KMT2B: variants seen among roughly 807,000 people sequenced by gnomAD.
The protein encoded by KMT2B is histone-lysine N-methyltransferase 2B.
Under a neutral mutation model 255.3 loss-of-function variants are expected in KMT2B, and 22 were observed. The ratio of observed to expected loss-of-function variants is 0.09; its 90% CI spans 0.06 to 0.12. The LOEUF is 0.12. Among genes scored for constraint, KMT2B ranks in the 10% least tolerant of loss-of-function variants. The pLI, the probability that KMT2B is intolerant of heterozygous loss-of-function variation, is 1.00. For synonymous variants in KMT2B, 1,730 were observed against 1,498.1 expected, an observed-to-expected ratio of 1.15 and a Z score of -3.57; for missense variants, 3,149 against 3,737.0, an observed-to-expected ratio of 0.84 and a Z score of 4.10.
rs1969058871 is a variant in KMT2B at position 35,718,703 on chromosome 19, AGTCGTG to A, written c.363+325_363+330del. Among the ~76,000 whole-genome samples the A allele has an allele frequency of 6.6e-6, 1 of 152,184 alleles. No individual in the cohort carries two copies. Among genetic ancestry groups the A allele is most frequent in the South Asian group, 2.1e-4 (1 of 4,836 alleles). ...GGCAGTGGGGACTGCATGTCCAGCC[AGTCGTG>A]GTTGACAGCGGCAGCGTGGCCTTGG... On this transcript the variant is annotated intron_variant, in intron 1 of 36. Transcript: ENST00000420124. The surrounding 1 kb of genome is among the most constrained non-coding windows in gnomAD (Gnocchi z 5.0).
chr19:35,729,126 TC>T, intron 21 of KMT2B, 32 bp from the exon 22 acceptor site: 1 of 1,613,874 alleles, frequency 6.2e-7, no homozygotes, highest in African/African-American at 1.3e-5. Flanking sequence ...TTCCCTGGCC[TC>T]CCCACATCAT....
At position 35,732,203 on chromosome 19, in the gene KMT2B, CT is replaced by C; in HGVS notation, c.5666-11del. The C allele has an allele frequency of 6.3e-7, 1 of 1,577,922 alleles. No homozygotes were observed. Among genetic ancestry groups the C allele is most frequent in the South Asian group, 1.1e-5 (1 of 87,222 alleles). On this transcript the variant is annotated splice_polypyrimidine_tract_variant and intron_variant, in intron 27 of 36. Transcript: ENST00000420124. ...GTGGGAGCTGCTGGTAACACCAACCCTCCCCCCACAGGAAGTCCATCTTCAC... is the reference window on the plus strand; with the variant it reads ...GTGGGAGCTGCTGGTAACACCAACCCCCCCCCACAGGAAGTCCATCTTCAC...
intron 23 of KMT2B, 59 bp from the exon 24 acceptor site, chr19:35,730,283 C>G: frequency 6.2e-7 from 1 of 1,604,902 alleles, no homozygotes; most frequent in Non-Finnish European, 8.5e-7. Context: ...GTTCAGACTT[C>G]CCTGGCATCC....
rs750794495 is a variant in KMT2B at position 35,719,524 on chromosome 19, C to T, written c.419C>T (p.Ala140Val). ...EDVAPSSLRS[A>V]LRSQRGRAPR... ...GTGGCCCCCAGTTCCCTGCGCTCTGCGCTCCGATCCCAGCGAGGTGAGTGA... is the reference window on the plus strand; with the variant it reads ...GTGGCCCCCAGTTCCCTGCGCTCTGTGCTCCGATCCCAGCGAGGTGAGTGA... Residue 140 changes from alanine (A) to valine (V), a missense_variant, in exon 2 of 37, where the codon GCG becomes GTG. Coordinates refer to ENST00000420124, the MANE Select transcript of KMT2B (RefSeq NM_014727.3). 4.4e-6 allele frequency: 7 copies of T among 1,590,918 alleles called. No individual in the cohort carries two copies. Among genetic ancestry groups the T allele is most frequent in the African/African-American group, 1.3e-5 (1 of 74,272 alleles).
At chr19:35,729,918 G>T (rs763240399) in intron 22 of KMT2B, 49 bp from the exon 23 acceptor site, 2 of 1,569,932 alleles carry the variant, frequency 1.3e-6, no homozygotes, top group South Asian at 1.1e-5. Flanking sequence ...GGTGCCTGGC[G>T]CCCAGCCCCA....
Position 35,733,925 on chromosome 19 carries a change from TGA to T in KMT2B, c.7159+54_7159+55del, listed in dbSNP as rs1237943567. ...CTTGCCTGTGCCTGGCTCAGCTGGG[TGA>T]CTCACAGATGCAAAATCAGCCCTCT... On this transcript the variant is annotated intron_variant, in intron 30 of 36. Transcript: ENST00000420124. This position sits in a 1 kb window ranked among gnomAD's most constrained non-coding sequence, Gnocchi z 4.3. The T allele has an allele frequency of 2.2e-6, 3 of 1,337,492 alleles. No homozygotes were observed. The highest frequency in any genetic ancestry group is 3.2e-6 in the Non-Finnish European group (3 of 942,520). The allele number at this position is 1,337,492 out of a possible 1,614,324, so 82.9% of individuals were successfully genotyped here. A position where few individuals can be genotyped will look rare whatever the true frequency, so the allele number is the denominator to read the frequency against.
At chr19:35,724,772 C>G (rs747034473) in intron 9 of KMT2B, 41 bp downstream of exon 9, 1 of 1,509,544 alleles carries the variant, frequency 6.6e-7, no homozygotes, top group South Asian at 1.2e-5. Flanking sequence ...CCTCCAGGAG[C>G]TACCTGGCAA....
At position 35,733,261 on chromosome 19, in the gene KMT2B, C is replaced by G. The variant is rs780824088; in HGVS notation, c.6712C>G (p.Pro2238Ala). Residue 2238 changes from proline to alanine, a missense_variant, in exon 28 of 37, where the codon CCC (proline) becomes GCC (alanine). This residue lies in a region of KMT2B where 897 missense variants were observed against 825.3 expected (regional missense o/e 1.09). Transcript: ENST00000420124. The surrounding 1 kb of genome is among the most constrained non-coding windows in gnomAD (Gnocchi z 4.3). ...APTSWTLPPG[P>A]LLGVLPVVGV... is the part of the protein sequence containing the mutation. Reference sequence around the variant, plus strand: ...CACCTCCTGGACTCTGCCCCCAGGCCCCCTCCTCGGCGTGCTGCCCGTGGT... The same window carrying G: ...CACCTCCTGGACTCTGCCCCCAGGCGCCCTCCTCGGCGTGCTGCCCGTGGT... 1 of 1,478,368 alleles carries G rather than the reference C, an allele frequency of 6.8e-7. No homozygotes were observed. Among genetic ancestry groups the G allele is most frequent in the African/African-American group, 1.4e-5 (1 of 71,610 alleles). The allele number at this position is 1,478,368 out of a possible 1,614,324, so 91.6% of individuals were successfully genotyped here.
In KMT2B at chr19:35,722,694, G is replaced by A; in HGVS notation, c.2698G>A (p.Asp900Asn). ...TCGCCTCAGTGCCCTCCCTCTCCGG[G>A]ATCGGCAGGACCTCGCCACAGAGGG... Reference protein sequence around the residue: ...VPRLSALPLRDRQDLATEDTS... With the variant: ...VPRLSALPLRNRQDLATEDTS... The change falls in exon 5 of 37, where the codon GAT becomes AAT. Residue 900 changes from aspartate (D) to asparagine (N), a missense_variant. By Grantham distance (23) the Asp-to-Asn change is conservative. Transcript: ENST00000420124. The A allele has an allele frequency of 6.2e-7, 1 of 1,607,244 alleles. No homozygotes were observed. Among genetic ancestry groups the A allele is most frequent in the Non-Finnish European group, 8.5e-7 (1 of 1,176,606 alleles).
At chr19:35,721,964 C>T (rs1018552565) in intron 3 of KMT2B, among the ~76,000 whole-genome samples, 160 bp downstream of exon 3, 12 of 152,002 alleles carry the variant, frequency 7.9e-5, no homozygotes, top group African/African-American at 2.4e-4. Context: ...CCTCCCCAGA[C>T]CTGGCCCTTC....
In KMT2B at chr19:35,721,480, C is replaced by T. The variant is rs753113975; in HGVS notation, c.2133C>T (p.Val711=). The T allele has an allele frequency of 6.2e-7, 1 of 1,612,748 alleles. No homozygotes were observed. The highest frequency in any genetic ancestry group is 8.5e-7 in the Non-Finnish European group (1 of 1,179,858). ...HLSLPRFAPV[V]TTPVKAEVSP... Reference sequence around the variant, plus strand: ...GCCTGCCTCGATTCGCCCCTGTGGTCACCACTCCTGTTAAGGCCGAGGTGT... The same window carrying T: ...GCCTGCCTCGATTCGCCCCTGTGGTTACCACTCCTGTTAAGGCCGAGGTGT... Residue 711 remains valine, a synonymous_variant, in exon 3 of 37, where the codon GTC becomes GTT. Transcript: ENST00000420124.
chr19:35,732,008 G>A lies in KMT2B; in HGVS notation c.5538G>A (p.Arg1846=). ...SPIQNLDPPL[R]PDSGSAPPPA... Reference sequence around the variant, plus strand: ...TTCAGAACCTGGACCCTCCACTGCGGCCAGATTCAGGCAGCGCCCCTCCTC... The same window carrying A: ...TTCAGAACCTGGACCCTCCACTGCGACCAGATTCAGGCAGCGCCCCTCCTC... Residue 1846 remains arginine (R), a synonymous_variant, in exon 27 of 37, where the codon CGG becomes CGA. Coordinates refer to ENST00000420124, the MANE Select transcript of KMT2B (RefSeq NM_014727.3). 6.2e-7 allele frequency: 1 copy of A among 1,613,768 alleles called. No individual in the cohort carries two copies. The highest frequency in any genetic ancestry group is 8.5e-7 in the Non-Finnish European group (1 of 1,179,792).
At chr19:35,730,316 C>T in intron 23 of KMT2B, 26 bp from the exon 24 acceptor site, 2 of 1,608,946 alleles carry the variant, frequency 1.2e-6, no homozygotes, top group Admixed American at 3.3e-5. Flanking sequence ...AATGCAGCCA[C>T]CTCACTTTGC....
In KMT2B at chr19:35,733,178, C is replaced by A. The variant is rs1351647631; in HGVS notation, c.6629C>A (p.Pro2210His). Reference protein sequence around the residue: ...VFVKMAGEGEPVPPPVKQPPL... With the variant: ...VFVKMAGEGEHVPPPVKQPPL... Reference sequence around the variant, plus strand: ...GTGAAGATGGCTGGGGAGGGTGAACCTGTCCCACCCCCAGTGAAGCAGCCA... The same window carrying A: ...GTGAAGATGGCTGGGGAGGGTGAACATGTCCCACCCCCAGTGAAGCAGCCA... Residue 2210 changes from proline to histidine, a missense_variant, in exon 28 of 37, where the codon CCT becomes CAT. Physicochemically the swap from Pro to His is moderately conservative, Grantham distance 77. This residue lies in a region of KMT2B where 897 missense variants were observed against 825.3 expected (regional missense o/e 1.09). Coordinates refer to ENST00000420124, the MANE Select transcript of KMT2B (RefSeq NM_014727.3). This position sits in a 1 kb window ranked among gnomAD's most constrained non-coding sequence, Gnocchi z 4.3. 1 of 1,556,380 alleles carries A rather than the reference C, an allele frequency of 6.4e-7. No homozygotes were observed. The highest frequency in any genetic ancestry group is 8.7e-7 in the Non-Finnish European group (1 of 1,146,310).
At position 35,730,132 on chromosome 19, in the gene KMT2B, C is replaced by T; in HGVS notation, c.5076+7C>T. 1.9e-6 allele frequency: 3 copies of T among 1,613,548 alleles called. No individual in the cohort carries two copies. The highest frequency in any genetic ancestry group is 2.5e-6 in the Non-Finnish European group (3 of 1,179,700). ...TGATCTCCTGGATGGCAAGGTGGGC[C>T]AGAACTGTGGGGTACACGGTTCCTT... On this transcript the variant is annotated splice_region_variant and intron_variant, in intron 23 of 36. Coordinates refer to ENST00000420124, the MANE Select transcript of KMT2B (RefSeq NM_014727.3).
chr19:35,728,108 C>G lies in KMT2B; in HGVS notation c.4508C>G (p.Ser1503Cys). 6.3e-7 allele frequency: 1 copy of G among 1,597,838 alleles called. No individual in the cohort carries two copies. Among genetic ancestry groups the G allele is most frequent in the Non-Finnish European group, 8.5e-7 (1 of 1,172,614 alleles). ...MKGLLLKLLE[S>C]AFGWFDAHDP... Reference sequence around the variant, plus strand: ...TAACCCACTCCCCAGCTGCTAGAATCTGCGTTCGGCTGGTTCGACGCCCAC... The same window carrying G: ...TAACCCACTCCCCAGCTGCTAGAATGTGCGTTCGGCTGGTTCGACGCCCAC... Residue 1503 changes from serine (S) to cysteine (C), a missense_variant, in exon 19 of 37, where the codon TCT (serine) becomes TGT (cysteine). This residue lies in a region of KMT2B where 377 missense variants were observed against 471.0 expected (regional missense o/e 0.80). Transcript: ENST00000420124.
At position 35,738,230 on chromosome 19, in the gene KMT2B, C is replaced by T. The variant is rs201922815; in HGVS notation, c.7872+39C>T. On this transcript the variant is annotated intron_variant, in intron 36 of 36. Transcript: ENST00000420124. This position sits in a 1 kb window ranked among gnomAD's most constrained non-coding sequence, Gnocchi z 8.7. ...GGCTGTGGGAAGACAGTGGGTGAAGCGAGCCTGTCCGCGGGGACAGAGCAC... is the reference window on the plus strand; with the variant it reads ...GGCTGTGGGAAGACAGTGGGTGAAGTGAGCCTGTCCGCGGGGACAGAGCAC... 5.1e-5 allele frequency: 83 copies of T among 1,613,156 alleles called. No individual in the cohort carries two copies. The highest frequency in any genetic ancestry group is 1.4e-4 in the South Asian group (13 of 91,054).
At position 35,721,334 on chromosome 19, in the gene KMT2B, G is replaced by C; in HGVS notation, c.1987G>C (p.Glu663Gln). The C allele has an allele frequency of 6.4e-7, 1 of 1,565,852 alleles. No homozygotes were observed. The highest frequency in any genetic ancestry group is 8.6e-7 in the Non-Finnish European group (1 of 1,156,750). Residue 663 changes from glutamate (E) to glutamine (Q), a missense_variant, in exon 3 of 37, where the codon GAA becomes CAA. By Grantham distance (29) the Glu-to-Gln change is conservative. Around this residue, in one of 18 missense-constraint regions of KMT2B, gnomAD observed 1,188 missense variants for 1,106.4 expected, o/e 1.07. Transcript: ENST00000420124. ...TPSEAHLKIY[E>Q]SVLTPPPLGA... ...AAGCGAAGCCCACCTGAAGATCTAC[G>C]AATCGGTGCTTACTCCTCCTCCTCT... is the stretch of plus-strand genomic sequence containing the variant.
intron 14 of KMT2B, among the ~76,000 whole-genome samples, 180 bp from the exon 15 acceptor site, chr19:35,726,976 A>C: frequency 7.8e-6 from 1 of 128,344 alleles, no homozygotes; most frequent in South Asian, 2.8e-4. Context: ...AGAGCAAGAC[A>C]CTGTCTCAAA....
Sources: gnomAD v4.1 joint callset for allele counts (sites outside exome capture counted in the v4.1 genomes callset) on GRCh38, gnomAD v4.1.1 for gene constraint, gnomAD v4.1.1 regional missense constraint, Gnocchi (gnomAD v3.1) non-coding constraint, MANE v1.5 for transcripts, NCBI Gene and HGNC (gene_info 2026-07-23, HGNC 2026-07-21) for gene names.